Variants in CNTNAP3 observed in about 807,000 individuals in gnomAD.
CNTNAP3 encodes contactin associated protein family member 3, also known as contactin-associated protein-like 3.
In CNTNAP3, 36 loss-of-function variants were observed where a neutral mutation model predicts 92.1. The ratio of observed to expected loss-of-function variants is 0.39; its 90% CI spans 0.30 to 0.52. The LOEUF is 0.52. Ranked by LOEUF, CNTNAP3 falls within the 20% of genes least tolerant of loss-of-function variation. The pLI, the probability that CNTNAP3 is intolerant of heterozygous loss-of-function variation, is 0.76. For missense variants in CNTNAP3, 534 were observed against 1,069.6 expected (o/e 0.50, Z 6.98); for synonymous variants, 232 against 422.3 (o/e 0.55, Z 5.53).
chr9:39,068,102 C>T lies in CNTNAP3; in HGVS notation c.*5788G>A, dbSNP rs1305907040. On this transcript the variant is annotated 3_prime_UTR_variant, in exon 24 of 24. Coordinates refer to ENST00000297668, the MANE Select transcript of CNTNAP3 (RefSeq NM_033655.5). ...ACTAAAGAGATATGCAGTGCATGTG[C>T]GATATTAAAATTTCAGGGCGGGCGC... 2.0e-5 allele frequency among the ~76,000 whole-genome samples: 3 copies of T among 152,304 alleles called. No homozygotes were observed. The highest frequency in any genetic ancestry group is 4.8e-5 in the African/African-American group (2 of 41,484).
At chr9:39,127,756 T>C (rs1276861378) in intron 13 of CNTNAP3, among the ~76,000 whole-genome samples, 1 of 152,198 alleles carries the variant, frequency 6.6e-6, no homozygotes, top group Non-Finnish European at 1.5e-5. Flanking sequence ...ATTAAGAAAA[T>C]TGAATTCATA....
chr9:39,087,413 C>G (rs1317633355), intron 19 of CNTNAP3, among the ~76,000 whole-genome samples: 4 of 152,270 alleles, frequency 2.6e-5, no homozygotes, highest in Admixed American at 2.6e-4. Context: ...ATACCCCTCT[C>G]CTACACAGAT....
intron 15 of CNTNAP3, among the ~76,000 whole-genome samples, chr9:39,105,560 A>G (rs1389254189): frequency 1.3e-5 from 2 of 152,184 alleles, no homozygotes; most frequent in East Asian, 1.9e-4. Flanking sequence ...TTTATACTCT[A>G]TAACTTATTT....
rs1322757447 is a variant in CNTNAP3, at chr9:39,105,987, T to C, written c.2366-2073A>G. Among the ~76,000 whole-genome samples the C allele has an allele frequency of 2.6e-5, 4 of 152,190 alleles. No homozygotes were observed. In the East Asian group the frequency reaches 7.7e-4, roughly 29 times the overall value. On this transcript the variant is annotated intron_variant, in intron 15 of 23. Coordinates refer to ENST00000297668, the MANE Select transcript of CNTNAP3 (RefSeq NM_033655.5). ...CCCAGCACCACAGGGTTCATTACAGTCTTCCTCCTTCCCACATGTATAACT... is the reference window on the plus strand; with the variant it reads ...CCCAGCACCACAGGGTTCATTACAGCCTTCCTCCTTCCCACATGTATAACT...
At chr9:39,105,868 T>TCACACACACACATA (rs532194367) in intron 15 of CNTNAP3, among the ~76,000 whole-genome samples, 3 of 120,498 alleles carry the variant, frequency 2.5e-5, no homozygotes, top group Non-Finnish European at 3.7e-5. Context: ...TCTCTCTCTC[T>TCACACACACACATA]CACACACACA....
At chr9:39,074,576 C>T (rs1251863820) in intron 23 of CNTNAP3, among the ~76,000 whole-genome samples, 1 of 151,592 alleles carries the variant, frequency 6.6e-6, no homozygotes, top group Non-Finnish European at 1.5e-5. Flanking sequence ...TTAGATAATG[C>T]TTTCAGATTT....
rs1464843932 is a variant in CNTNAP3 at position 39,165,594 on chromosome 9, GATTT to G, written c.1477+335_1477+338del. Among the ~76,000 whole-genome samples the G allele has an allele frequency of 3.6e-4, 51 of 143,558 alleles. No individual in the cohort carries two copies. The East Asian group carries it at 8.8e-3, about 25-fold the overall frequency. The allele number at this position is 143,558 out of a possible 152,430, so 94.2% of individuals were successfully genotyped here. A position where few individuals can be genotyped will look rare whatever the true frequency, so the allele number is the denominator to read the frequency against. ...GAGCTAACTGTTAGAAGTATAAATG[GATTT>G]ATCTGTTGTAGAGATATGACTATGA... is the stretch of plus-strand genomic sequence containing the variant. On this transcript the variant is annotated intron_variant, in intron 9 of 23. Transcript: ENST00000297668.
At chr9:39,122,228 G>C (rs1272811218) in intron 13 of CNTNAP3, among the ~76,000 whole-genome samples, 2 of 151,920 alleles carry the variant, frequency 1.3e-5, no homozygotes, top group African/African-American at 2.4e-5. Context: ...GGTGGCGGGC[G>C]CCTGTAGTCC....
intron 21 of CNTNAP3, among the ~76,000 whole-genome samples, chr9:39,081,606 G>C (rs1267200228): frequency 6.6e-6 from 1 of 150,974 alleles, no homozygotes; most frequent in Non-Finnish European, 1.5e-5. Context: ...TGACGTTGTG[G>C]GAAAAAAAAT....
At chr9:39,103,474 C>T (rs1826518373) in intron 16 of CNTNAP3, among the ~76,000 whole-genome samples, 1 of 151,890 alleles carries the variant, frequency 6.6e-6, no homozygotes. Flanking sequence ...CCCAGCTACT[C>T]AGGAGACTGA....
At chr9:39,111,814 C>T (rs1478904700) in intron 14 of CNTNAP3, among the ~76,000 whole-genome samples, 1 of 152,024 alleles carries the variant, frequency 6.6e-6, no homozygotes, top group African/African-American at 2.4e-5. Flanking sequence ...ATGAAATCCA[C>T]ATTTCAGTTT....
intron 9 of CNTNAP3, among the ~76,000 whole-genome samples, chr9:39,152,361 G>A (rs1821861279): frequency 8.0e-6 from 1 of 124,544 alleles, no homozygotes; most frequent in South Asian, 2.9e-4. Flanking sequence ...ACACTTGGAA[G>A]TTTAACATTT....
rs1397221055 is a variant in CNTNAP3, at chr9:39,073,843, T to A, written c.*47A>T. 1 of 1,596,598 alleles carries A rather than the reference T, an allele frequency of 6.3e-7. No homozygotes were observed. Among genetic ancestry groups the A allele is most frequent in the Admixed American group, 1.7e-5 (1 of 60,024 alleles). On this transcript the variant is annotated 3_prime_UTR_variant, in exon 24 of 24. Transcript: ENST00000297668. ...AATCAGAAGACTCGCTCTTTCTGGTTTTCATGGACTGCGTTTTGCACATCG... is the reference window on the plus strand; with the variant it reads ...AATCAGAAGACTCGCTCTTTCTGGTATTCATGGACTGCGTTTTGCACATCG...
At chr9:39,179,286 T>TACACATACAC (rs1554652865) in intron 4 of CNTNAP3, among the ~76,000 whole-genome samples, 5 of 80,754 alleles carry the variant, frequency 6.2e-5, no homozygotes, top group South Asian at 1.0e-3. Context: ...TCTCTCTCTC[T>TACACATACAC]ACACACACAC....
At position 39,109,118 on chromosome 9, in the gene CNTNAP3, A is replaced by G. The variant is rs747614889; in HGVS notation, c.2365+42T>C. The G allele has an allele frequency of 6.9e-6, 11 of 1,591,966 alleles. No homozygotes were observed. In the East Asian group the frequency reaches 1.1e-4, roughly 16 times the overall value. On this transcript the variant is annotated intron_variant, in intron 15 of 23. Transcript: ENST00000297668. ...TTTGTCTACTCTTTTATAACCAAAA[A>G]AAGTTATTATGAAAATAAAGCTTTT...
intron 13 of CNTNAP3, among the ~76,000 whole-genome samples, chr9:39,122,263 G>C (rs1040260268): frequency 2.6e-5 from 4 of 152,386 alleles, no homozygotes; most frequent in South Asian, 2.1e-4. Context: ...GCTGAGGCGG[G>C]AGAATGACGT....
At position 39,152,615 on chromosome 9, in the gene CNTNAP3, ATCTT is replaced by A. The variant is rs897233265; in HGVS notation, c.1478-2642_1478-2639del. On this transcript the variant is annotated intron_variant, in intron 9 of 23. Coordinates refer to ENST00000297668, the MANE Select transcript of CNTNAP3 (RefSeq NM_033655.5). ...TATAGGAATATCAACAGTTCTGCTAATCTTTCTTTCACCATGTGGTGTTTCCTGA... is the reference window on the plus strand; with the variant it reads ...TATAGGAATATCAACAGTTCTGCTAATCTTTCACCATGTGGTGTTTCCTGA... Among the ~76,000 whole-genome samples the A allele has an allele frequency of 8.5e-5, 12 of 140,922 alleles. 1 individual carries two copies. Among genetic ancestry groups the A allele is most frequent in the African/African-American group, 3.3e-4 (12 of 36,410 alleles). The allele number at this position is 140,922 out of a possible 152,430, so 92.5% of individuals were successfully genotyped here.
rs537973690 is a variant in CNTNAP3 at position 39,081,412 on chromosome 9, C to T, written c.3443-2492G>A. Among the ~76,000 whole-genome samples the T allele has an allele frequency of 4.7e-3, 709 of 151,268 alleles. 6 individuals carry two copies. Among genetic ancestry groups the T allele is most frequent in the African/African-American group, 0.016 (652 of 41,100 alleles). On this transcript the variant is annotated intron_variant, in intron 21 of 23. Coordinates refer to ENST00000297668, the MANE Select transcript of CNTNAP3 (RefSeq NM_033655.5). ...CTCCCTTTCTGGGCTTTCTCAACTT[C>T]GGGGTCCTGCACCCAGCCCCCTTCC...
chr9:39,078,004 G>A (rs1825824007), intron 23 of CNTNAP3, among the ~76,000 whole-genome samples: 1 of 152,174 alleles, frequency 6.6e-6, no homozygotes, highest in South Asian at 2.1e-4. Context: ...CCAGGAGTTC[G>A]AAACCAGCAC....
Sources: allele counts gnomAD v4.1 joint callset (sites outside exome capture counted in the v4.1 genomes callset), GRCh38; gene constraint gnomAD v4.1.1; transcripts MANE v1.5; gene names NCBI Gene and HGNC (gene_info 2026-07-23, HGNC 2026-07-21).